ATE1: variants seen among roughly 807,000 people sequenced by gnomAD.
ATE1 encodes the protein arginyltransferase 1.
ATE1 carries 36 observed loss-of-function variants against 70.5 expected under a neutral mutation model. The ratio of observed to expected loss-of-function variants is 0.51; its 90% CI spans 0.39 to 0.67. The LOEUF (loss-of-function observed/expected upper bound fraction) is 0.67. Among genes scored for constraint, ATE1 ranks in the 30% least tolerant of loss-of-function variants. The pLI is 0.00. For missense variants in ATE1, 593 were observed against 629.5 expected, an observed-to-expected ratio of 0.94 and a Z score of 0.62; for synonymous variants, 232 against 219.3, an observed-to-expected ratio of 1.06 and a Z score of -0.51.
At chr10:121,788,536 C>A (rs1946304504) in intron 11 of ATE1, among the ~76,000 whole-genome samples, 1 of 152,246 alleles carries the variant, frequency 6.6e-6, no homozygotes, top group East Asian at 1.9e-4. Context: ...AATTTTTTTA[C>A]ACAAAAAACC....
chr10:121,818,912 G>A (rs374170708), intron 10 of ATE1, among the ~76,000 whole-genome samples: 1 of 152,230 alleles, frequency 6.6e-6, no homozygotes, highest in Non-Finnish European at 1.5e-5. Flanking sequence ...TTGGAGGTAA[G>A]TGGAATTGTA....
chr10:121,818,300 T>C (rs957573812), intron 10 of ATE1, among the ~76,000 whole-genome samples: 1 of 147,294 alleles, frequency 6.8e-6, no homozygotes, highest in African/African-American at 2.5e-5. Flanking sequence ...ATTGCTAAAT[T>C]TAATTACTGA....
chr10:121,789,832 A>AGCAG (rs879318513), intron 11 of ATE1, among the ~76,000 whole-genome samples: 7 of 152,186 alleles, frequency 4.6e-5, no homozygotes, highest in Admixed American at 3.9e-4. Flanking sequence ...ACATTGACTA[A>AGCAG]ATAATCCATC....
At chr10:121,904,379 T>C (rs944962668) in intron 5 of ATE1, among the ~76,000 whole-genome samples, 9 of 151,554 alleles carry the variant, frequency 5.9e-5, no homozygotes, top group Admixed American at 5.3e-4. Flanking sequence ...CAGTGGCTCA[T>C]GCCTGTAATC....
At chr10:121,926,966 G>A (rs748786858) in intron 1 of ATE1, 101 of 985,264 alleles carry the variant, frequency 1.0e-4, no homozygotes, top group Admixed American at 3.7e-4. Context: ...TGCACACACC[G>A]TTATCGACCA....
intron 8 of ATE1, among the ~76,000 whole-genome samples, chr10:121,865,119 T>C (rs1314279297): frequency 6.6e-6 from 1 of 152,210 alleles, no homozygotes; most frequent in Non-Finnish European, 1.5e-5. Flanking sequence ...GTAGCTGTGA[T>C]ATTGAGCACC....
Position 121,743,783 on chromosome 10 carries a change from TA to T in ATE1, c.1453del (p.Tyr485IlefsTer62). ...HKRAIMPYGV[Y>X]KKQQKDPSEE... Reference sequence around the variant, plus strand: ...ACTTGGGTCTTTCTGCTGTTTCTTATAAACACCGTAAGGCATGATGGCTCTC... The same window carrying T: ...ACTTGGGTCTTTCTGCTGTTTCTTATAACACCGTAAGGCATGATGGCTCTC... On this transcript the variant is annotated frameshift_variant, in exon 12 of 12. Coordinates refer to ENST00000224652, the MANE Select transcript of ATE1 (RefSeq NM_001001976.3). LOFTEE classifies it high-confidence loss of function. 6.2e-7 allele frequency: 1 copy of T among 1,614,136 alleles called. No homozygotes were observed. The highest frequency in any genetic ancestry group is 8.5e-7 in the Non-Finnish European group (1 of 1,180,038).
At chr10:121,871,196 TG>T (rs1401824600) in intron 7 of ATE1, among the ~76,000 whole-genome samples, 1 of 152,224 alleles carries the variant, frequency 6.6e-6, no homozygotes, top group Non-Finnish European at 1.5e-5. Flanking sequence ...GGCTCACGCA[TG>T]TAATCCCAGC....
chr10:121,920,896 A>T (rs921812829), intron 3 of ATE1, among the ~76,000 whole-genome samples: 1 of 151,858 alleles, frequency 6.6e-6, no homozygotes, highest in African/African-American at 2.4e-5. Context: ...CGGGAGGCTG[A>T]GGCAGGAGAA....
Position 121,893,994 on chromosome 10 carries a change from G to A in ATE1, c.942+5872C>T, listed in dbSNP as rs549095652. On this transcript the variant is annotated intron_variant, in intron 7 of 11. Transcript: ENST00000224652. The stretch of plus-strand genomic sequence containing the variant: ...CTTGACTAAAAATACAAAATTAGCC[G>A]GGCGTGGTGGCACACGCCTGTAATC... Among the ~76,000 whole-genome samples, 78 of 152,100 alleles carry A rather than the reference G, an allele frequency of 5.1e-4. 2 individuals carry two copies. The South Asian group carries it at 0.015, about 29-fold the overall frequency.
intron 8 of ATE1, among the ~76,000 whole-genome samples, chr10:121,859,751 G>A (rs976945457): frequency 6.6e-6 from 1 of 151,816 alleles, no homozygotes; most frequent in African/African-American, 2.4e-5. Context: ...AGACCAACCT[G>A]GCCCACATGG....
chr10:121,781,304 C>T (rs1945978319), intron 11 of ATE1, among the ~76,000 whole-genome samples: 2 of 152,186 alleles, frequency 1.3e-5, no homozygotes, highest in African/African-American at 4.8e-5. Flanking sequence ...GTCTGTCTCT[C>T]TTGCTTCCTA....
At chr10:121,873,573 T>C (rs1949933407) in intron 7 of ATE1, among the ~76,000 whole-genome samples, 1 of 151,828 alleles carries the variant, frequency 6.6e-6, no homozygotes, top group East Asian at 1.9e-4. Flanking sequence ...TTAGTTACAA[T>C]CAGTAAGTTC....
chr10:121,791,039 T>G (rs1946420147), intron 10 of ATE1, among the ~76,000 whole-genome samples: 1 of 147,474 alleles, frequency 6.8e-6, no homozygotes, highest in South Asian at 2.1e-4. Flanking sequence ...TGTATATATG[T>G]GTATATATAT....
At position 121,743,643 on chromosome 10, in the gene ATE1, A is replaced by T. The variant is rs377482651; in HGVS notation, c.*37T>A. The stretch of plus-strand genomic sequence containing the variant: ...AATATGTATCCTGGCACAAATCATC[A>T]GCACAACACAGGAACTTCCCGGCAG... On this transcript the variant is annotated 3_prime_UTR_variant, in exon 12 of 12. Coordinates refer to ENST00000224652, the MANE Select transcript of ATE1 (RefSeq NM_001001976.3). 41 of 1,540,786 alleles carry T rather than the reference A, an allele frequency of 2.7e-5. No individual in the cohort carries two copies. The highest frequency in any genetic ancestry group is 3.4e-5 in the Non-Finnish European group (39 of 1,146,500).
intron 8 of ATE1, among the ~76,000 whole-genome samples, chr10:121,844,342 A>C (rs1405370711): frequency 6.6e-6 from 1 of 152,234 alleles, no homozygotes; most frequent in Non-Finnish European, 1.5e-5. Context: ...AACATATGAA[A>C]AGATGCTCAA....
rs776337589 is a variant in ATE1 at position 121,913,753 on chromosome 10, CA to C, written c.337+36del. On this transcript the variant is annotated intron_variant, in intron 4 of 11. Coordinates refer to ENST00000224652, the MANE Select transcript of ATE1 (RefSeq NM_001001976.3). ...ACTGAAAGTGGGACCGTTGCAAAGA[CA>C]GATAGTAAATCGTTTTTAGACCCAG... is the stretch of plus-strand genomic sequence containing the variant. 3.5e-6 allele frequency: 5 copies of C among 1,436,930 alleles called. No homozygotes were observed. The African/African-American group carries it at 7.1e-5, about 20-fold the overall frequency. The allele number at this position is 1,436,930 out of a possible 1,614,324, so 89.0% of individuals were successfully genotyped here. A position where few individuals can be genotyped will look rare whatever the true frequency, so the allele number is the denominator to read the frequency against.
chr10:121,848,667 T>C (rs1246429694), intron 8 of ATE1, among the ~76,000 whole-genome samples: 2 of 150,334 alleles, frequency 1.3e-5, no homozygotes, highest in Non-Finnish European at 2.9e-5. Flanking sequence ...TCCCAGCACT[T>C]TGGGAGTCCA....
intron 11 of ATE1, among the ~76,000 whole-genome samples, chr10:121,770,079 C>T (rs1945439553): frequency 6.6e-6 from 1 of 152,028 alleles, no homozygotes; most frequent in African/African-American, 2.4e-5. Context: ...GGTAACAGTC[C>T]TAAACTGAAA....
Sources: gnomAD v4.1 joint callset for allele counts (sites outside exome capture counted in the v4.1 genomes callset) on GRCh38, gnomAD v4.1.1 for gene constraint, MANE v1.5 for transcripts, NCBI Gene and HGNC (gene_info 2026-07-23, HGNC 2026-07-21) for gene names.